The following NKAIN2 variants were observed in gnomAD, a reference collection of about 807,000 sequenced individuals.
NKAIN2 encodes the protein sodium/potassium-transporting ATPase subunit beta-1-interacting protein 2.
Under a neutral mutation model 32.6 loss-of-function variants are expected in NKAIN2, and 14 were observed. The ratio of observed to expected loss-of-function variants is 0.43; its 90% CI spans 0.28 to 0.67. NKAIN2 has a LOEUF of 0.67. NKAIN2 is among the 30% of genes least tolerant of loss of function. NKAIN2 has a pLI of 0.17. For missense variants in NKAIN2, 198 were observed against 258.3 expected, an observed-to-expected ratio of 0.77 and a Z score of 1.60; for synonymous variants, 80 against 87.2, an observed-to-expected ratio of 0.92 and a Z score of 0.46.
intron 1 of NKAIN2, among the ~76,000 whole-genome samples, chr6:124,014,941 T>G (rs1352733455): frequency 6.6e-6 from 1 of 152,168 alleles, no homozygotes; most frequent in African/African-American, 2.4e-5. Context: ...GATTATATAT[T>G]CCTGATATAG....
chr6:124,729,518 C>A (rs1776538621), intron 4 of NKAIN2, among the ~76,000 whole-genome samples: 1 of 151,292 alleles, frequency 6.6e-6, no homozygotes, highest in Non-Finnish European at 1.5e-5. Context: ...ACCCTTCATG[C>A]TAAAAACTCT....
chr6:124,603,929 G>A (rs1782403165), intron 3 of NKAIN2, among the ~76,000 whole-genome samples: 1 of 151,998 alleles, frequency 6.6e-6, no homozygotes, highest in South Asian at 2.1e-4. Context: ...GTAACTTCAA[G>A]GGGTTTTGTC....
chr6:124,670,645 C>CTGTGTGTGTGTG (rs57300688), intron 4 of NKAIN2, among the ~76,000 whole-genome samples: 6,951 of 123,774 alleles, frequency 0.056, 186 homozygotes, highest in Middle Eastern at 0.072. Context: ...TCTTTGCTTT[C>CTGTGTGTGTGTG]TGTGTGTGTG....
At chr6:124,678,154 CTT>C (rs1773451210) in intron 4 of NKAIN2, among the ~76,000 whole-genome samples, 1 of 152,098 alleles carries the variant, frequency 6.6e-6, no homozygotes, top group African/African-American at 2.4e-5. Flanking sequence ...CTTCATTTGA[CTT>C]TTAACAATTT....
intron 4 of NKAIN2, among the ~76,000 whole-genome samples, chr6:124,774,724 T>C (rs1778911696): frequency 1.3e-5 from 2 of 151,808 alleles, no homozygotes; most frequent in African/African-American, 4.8e-5. Context: ...GGCATGGTGG[T>C]GTGCACCTGT....
chr6:124,329,721 C>A (rs1458393794), intron 2 of NKAIN2, among the ~76,000 whole-genome samples: 1 of 152,220 alleles, frequency 6.6e-6, no homozygotes, highest in Non-Finnish European at 1.5e-5. Flanking sequence ...AGCACCTCAT[C>A]TGCATCTTCA....
intron 5 of NKAIN2, among the ~76,000 whole-genome samples, chr6:124,804,850 C>T (rs1054101026): frequency 6.6e-6 from 1 of 152,206 alleles, no homozygotes; most frequent in East Asian, 1.9e-4. Context: ...TATGCTGCAC[C>T]TGGCTCCGAG....
At chr6:124,618,758 T>G (rs1019842919) in intron 3 of NKAIN2, among the ~76,000 whole-genome samples, 1 of 152,188 alleles carries the variant, frequency 6.6e-6, no homozygotes, top group South Asian at 2.1e-4. Context: ...AATGCCTTTA[T>G]GAGTGAGATG....
At chr6:124,198,613 G>A (rs936888439) in intron 1 of NKAIN2, among the ~76,000 whole-genome samples, 21 of 151,558 alleles carry the variant, frequency 1.4e-4, no homozygotes, top group East Asian at 3.9e-4. Flanking sequence ...TTCCTCAGCC[G>A]TGGTATATCT....
rs193255559 is a variant in NKAIN2, at chr6:124,222,900, G to A, written c.55-60105G>A. On this transcript the variant is annotated intron_variant, in intron 1 of 6. Coordinates refer to ENST00000368417, the MANE Select transcript of NKAIN2 (RefSeq NM_001040214.3). Reference sequence around the variant, plus strand: ...AATCCTAATTCATACTGTAAGTTCAGATGATATTAGAAAGAACAGAACTGG... The same window carrying A: ...AATCCTAATTCATACTGTAAGTTCAAATGATATTAGAAAGAACAGAACTGG... Among the ~76,000 whole-genome samples the A allele has an allele frequency of 7.2e-4, 109 of 152,250 alleles. 1 individual carries two copies. The highest frequency in any genetic ancestry group is 3.6e-3 in the Admixed American group (55 of 15,296).
chr6:124,720,610 T>C (rs1355564698), intron 4 of NKAIN2, among the ~76,000 whole-genome samples: 1 of 152,200 alleles, frequency 6.6e-6, no homozygotes, highest in Non-Finnish European at 1.5e-5. Flanking sequence ...TTTCTCTATG[T>C]TCTAATGGTG....
At chr6:124,566,628 A>G (rs927152659) in intron 3 of NKAIN2, among the ~76,000 whole-genome samples, 15 of 152,192 alleles carry the variant, frequency 9.9e-5, no homozygotes, top group African/African-American at 3.6e-4. Context: ...GCAATAAAAG[A>G]TTTTGGTACT....
At chr6:124,485,224 C>A (rs917107639) in intron 3 of NKAIN2, among the ~76,000 whole-genome samples, 3 of 152,158 alleles carry the variant, frequency 2.0e-5, no homozygotes, top group African/African-American at 7.2e-5. Context: ...CAGGCTCCAC[C>A]TGTCTTACTG....
intron 1 of NKAIN2, among the ~76,000 whole-genome samples, chr6:124,130,718 G>C (rs1786431315): frequency 6.6e-6 from 1 of 151,772 alleles, no homozygotes. Context: ...TTTGACGGAA[G>C]TAATCACCTA....
intron 1 of NKAIN2, among the ~76,000 whole-genome samples, chr6:124,260,652 T>C (rs1794205857): frequency 6.6e-6 from 1 of 152,104 alleles, no homozygotes; most frequent in Non-Finnish European, 1.5e-5. Flanking sequence ...TTCCTTTTAC[T>C]CTGACATGGG....
intron 1 of NKAIN2, among the ~76,000 whole-genome samples, chr6:123,816,980 G>A (rs1773719726): frequency 6.6e-6 from 1 of 152,132 alleles, no homozygotes; most frequent in Non-Finnish European, 1.5e-5. Context: ...AGACCTAAGA[G>A]GAACACAGTG....
chr6:123,847,072 C>A (rs1775125041), intron 1 of NKAIN2, among the ~76,000 whole-genome samples: 1 of 152,314 alleles, frequency 6.6e-6, no homozygotes, highest in East Asian at 1.9e-4. Flanking sequence ...CTAATAAATT[C>A]TAAGTGTGCT....
chr6:123,896,346 T>C (rs1177297375), intron 1 of NKAIN2, among the ~76,000 whole-genome samples: 1 of 152,206 alleles, frequency 6.6e-6, no homozygotes, highest in Non-Finnish European at 1.5e-5. Context: ...GAATTAGGAA[T>C]CCAAATCCAT....
At chr6:124,243,066 A>G (rs926844070) in intron 1 of NKAIN2, among the ~76,000 whole-genome samples, 5 of 151,902 alleles carry the variant, frequency 3.3e-5, no homozygotes, top group African/African-American at 1.2e-4. Context: ...AGGGCGGAGT[A>G]AAAGGAGATA....
Sources: allele counts gnomAD v4.1 joint callset (sites outside exome capture counted in the v4.1 genomes callset), GRCh38; gene constraint gnomAD v4.1.1; transcripts MANE v1.5; gene names NCBI Gene and HGNC (gene_info 2026-07-23, HGNC 2026-07-21).